Variants in TENM4 observed in about 807,000 individuals in gnomAD.
The protein encoded by TENM4 is teneurin transmembrane protein 4, also known as teneurin-4.
In TENM4, 82 loss-of-function variants were observed where a neutral mutation model predicts 243.3. The observed-to-expected ratio is 0.34, with a 90% CI of 0.28 to 0.40. The LOEUF is 0.40. Ranked by LOEUF, TENM4 falls within the 10% of genes least tolerant of loss-of-function variation. The pLI, the probability that TENM4 is intolerant of heterozygous loss-of-function variation, is 1.00. For synonymous variants in TENM4, 1,412 were observed against 1,456.3 expected, an observed-to-expected ratio of 0.97 and a Z score of 0.69; for missense variants, 3,138 against 3,673.3, an observed-to-expected ratio of 0.85 and a Z score of 3.77.
intron 1 of TENM4, among the ~76,000 whole-genome samples, chr11:79,399,638 A>T (rs1327810236): frequency 6.6e-6 from 1 of 152,180 alleles, no homozygotes; most frequent in Non-Finnish European, 1.5e-5. Context: ...TATTAATTTG[A>T]TAACTTGATG....
chr11:79,003,003 A>G (rs1858373173), intron 6 of TENM4, among the ~76,000 whole-genome samples: 1 of 152,202 alleles, frequency 6.6e-6, no homozygotes, highest in Non-Finnish European at 1.5e-5. Context: ...CACTTTAAGA[A>G]TTTCATAATA....
chr11:78,757,454 C>T (rs1303620515), intron 18 of TENM4, among the ~76,000 whole-genome samples: 1 of 152,232 alleles, frequency 6.6e-6, no homozygotes, highest in East Asian at 1.9e-4. Flanking sequence ...TTGAATTTCA[C>T]CCTCAGAACA....
At chr11:78,864,542 A>G (rs1418907570) in intron 9 of TENM4, among the ~76,000 whole-genome samples, 3 of 152,070 alleles carry the variant, frequency 2.0e-5, no homozygotes, top group Non-Finnish European at 4.4e-5. Flanking sequence ...CAAAAGAATG[A>G]ACATTGTCCC....
intron 2 of TENM4, among the ~76,000 whole-genome samples, chr11:79,244,606 G>A (rs17828500): frequency 0.088 from 13,407 of 152,156 alleles, 776 homozygotes; most frequent in Non-Finnish European, 0.13. Flanking sequence ...TTATGTTGTC[G>A]AACAGAGCTT....
chr11:79,085,425 A>G (rs1403409482), intron 4 of TENM4, among the ~76,000 whole-genome samples: 4 of 150,266 alleles, frequency 2.7e-5, no homozygotes, highest in Non-Finnish European at 5.9e-5. Flanking sequence ...TTTTTGAGTC[A>G]GGCAGACCTT....
intron 6 of TENM4, among the ~76,000 whole-genome samples, chr11:79,052,320 T>C (rs1446734717): frequency 5.9e-5 from 9 of 152,252 alleles, no homozygotes; most frequent in African/African-American, 2.2e-4. Flanking sequence ...CCATTCTGAC[T>C]GGTGAGAGAT....
chr11:78,866,553 T>A (rs1007400964), intron 9 of TENM4, among the ~76,000 whole-genome samples: 1 of 137,216 alleles, frequency 7.3e-6, no homozygotes, highest in Admixed American at 7.5e-5. Context: ...AGGTCTGGGG[T>A]CCCAGGGAAG....
At chr11:79,215,767 G>A (rs1864040805) in intron 3 of TENM4, 41 bp downstream of exon 3, 6 of 985,848 alleles carry the variant, frequency 6.1e-6, no homozygotes, top group Non-Finnish European at 7.2e-6. Context: ...CCACAAATTT[G>A]CAGCTAATGA....
intron 28 of TENM4, among the ~76,000 whole-genome samples, chr11:78,698,814 A>C (rs1209699687): frequency 6.6e-6 from 1 of 152,254 alleles, no homozygotes; most frequent in Non-Finnish European, 1.5e-5. Context: ...CATGGCTCGC[A>C]GCCAGTGAAA....
chr11:78,802,399 T>C (rs1461964510), intron 15 of TENM4, among the ~76,000 whole-genome samples: 1 of 152,264 alleles, frequency 6.6e-6, no homozygotes, highest in Non-Finnish European at 1.5e-5. Flanking sequence ...CAAGGTCGCA[T>C]GGTTAACATG....
intron 3 of TENM4, among the ~76,000 whole-genome samples, chr11:79,168,637 T>G (rs1233059432): frequency 6.6e-6 from 1 of 152,172 alleles, no homozygotes; most frequent in Non-Finnish European, 1.5e-5. Flanking sequence ...AAGCTCTTTG[T>G]GCTTGCAGTA....
At chr11:79,176,363 G>T (rs1863159858) in intron 3 of TENM4, among the ~76,000 whole-genome samples, 3 of 152,148 alleles carry the variant, frequency 2.0e-5, no homozygotes, top group Admixed American at 6.5e-5. Flanking sequence ...CCAAGAAAAA[G>T]ATGCATTCCA....
chr11:79,340,793 C>A (rs1857229208), intron 1 of TENM4, among the ~76,000 whole-genome samples: 1 of 152,102 alleles, frequency 6.6e-6, no homozygotes, highest in Non-Finnish European at 1.5e-5. Context: ...GGAAATCGTC[C>A]CTGCACTCCC....
rs574576017 is a variant in TENM4, at chr11:79,182,804, A to T, written c.-163+33004T>A. ...AAGGAGATATTCAGATGGCAACTAA[A>T]CATATAAAATGATGTTCAGCATCAT... On this transcript the variant is annotated intron_variant, in intron 3 of 33. Transcript: ENST00000278550. Among the ~76,000 whole-genome samples, 3 of 152,322 alleles carry T rather than the reference A, an allele frequency of 2.0e-5. No homozygotes were observed. In the East Asian group the frequency reaches 5.8e-4, roughly 29 times the overall value.
chr11:79,262,307 C>G (rs1035350702), intron 2 of TENM4, among the ~76,000 whole-genome samples: 10 of 152,292 alleles, frequency 6.6e-5, no homozygotes, highest in Admixed American at 5.2e-4. Context: ...TTTATGGGTG[C>G]TTTTCCTGTG....
At chr11:78,688,275 A>T in intron 28 of TENM4, 49 bp from the exon 29 acceptor site, 2 of 1,569,458 alleles carry the variant, frequency 1.3e-6, no homozygotes, top group African/African-American at 2.7e-5. Context: ...ATGGTGCTCT[A>T]GCTGGAACTT....
At chr11:78,702,444 G>T in intron 27 of TENM4, 41 bp from the exon 28 acceptor site, 1 of 1,579,600 alleles carries the variant, frequency 6.3e-7, no homozygotes, top group Non-Finnish European at 8.6e-7. Flanking sequence ...CTGGCAAGAT[G>T]CCCACCACTA....
chr11:79,136,676 C>T (rs1591307649), intron 4 of TENM4, among the ~76,000 whole-genome samples: 1 of 152,138 alleles, frequency 6.6e-6, no homozygotes, highest in African/African-American at 2.4e-5. Flanking sequence ...GTTTGCCTAT[C>T]CTTCACGCAA....
intron 6 of TENM4, among the ~76,000 whole-genome samples, chr11:78,999,296 G>A (rs955382840): frequency 2.0e-4 from 30 of 152,110 alleles, no homozygotes; most frequent in Non-Finnish European, 1.3e-4. Flanking sequence ...GGTGGATCAC[G>A]AGGTCAGGAG....
Sources: allele counts gnomAD v4.1 joint callset (sites outside exome capture counted in the v4.1 genomes callset), GRCh38; gene constraint gnomAD v4.1.1; transcripts MANE v1.5; gene names NCBI Gene and HGNC (gene_info 2026-07-23, HGNC 2026-07-21).